The following STRA6 variants were observed in gnomAD, a reference collection of about 807,000 sequenced individuals.
STRA6 encodes the protein signaling receptor and transporter of retinol STRA6, also known as receptor for retinol uptake STRA6.
STRA6 carries 48 observed loss-of-function variants against 83.6 expected under a neutral mutation model. That is an observed-to-expected ratio of 0.57 (90% confidence interval 0.46 to 0.73). The LOEUF (loss-of-function observed/expected upper bound fraction) is 0.73, where lower values mean the gene tolerates loss of function less well. Ranked by LOEUF, STRA6 falls within the 30% of genes least tolerant of loss-of-function variation. The pLI is 0.00. For synonymous variants in STRA6, 353 were observed against 362.3 expected, an observed-to-expected ratio of 0.97 and a Z score of 0.29; for missense variants, 760 against 838.8, an observed-to-expected ratio of 0.91 and a Z score of 1.16.
chr15:74,203,205 A>G (rs1473884617), upstream of STRA6: 7 of 972,968 alleles, frequency 7.2e-6, no homozygotes, highest in African/African-American at 1.8e-5. Flanking sequence ...TCTCATTGGT[A>G]AACCCTTTTT....
chr15:74,189,909 G>A (rs1272389427), intron 11 of STRA6, among the ~76,000 whole-genome samples: 1 of 152,088 alleles, frequency 6.6e-6, no homozygotes, highest in Non-Finnish European at 1.5e-5. Context: ...TGATCCGCCC[G>A]CCTCAGCCTC....
At chr15:74,200,668 G>A (rs1369113676) in intron 2 of STRA6, among the ~76,000 whole-genome samples, 1 of 152,140 alleles carries the variant, frequency 6.6e-6, no homozygotes, top group East Asian at 1.9e-4. Context: ...CCCACTTTGA[G>A]GGCAGGGGGA....
At chr15:74,202,873 GAAA>G (rs2074146531), upstream of STRA6, 1 of 1,017,840 alleles carries the variant, frequency 9.8e-7, no homozygotes, top group Admixed American at 5.6e-5. Flanking sequence ...CTCGGTGATG[GAAA>G]TACACCATAA....
chr15:74,185,207 T>G, intron 12 of STRA6, 152 bp from the exon 13 acceptor site: 1 of 750,472 alleles, frequency 1.3e-6, no homozygotes, highest in Non-Finnish European at 2.3e-6. Flanking sequence ...CCCCCAGGTC[T>G]CAGATGCAGT....
At chr15:74,194,722 A>T in intron 7 of STRA6, 1 of 1,213,034 alleles carries the variant, frequency 8.2e-7, no homozygotes. Context: ...ATGTGCTTCA[A>T]ATATGTTGTT....
At chr15:74,184,083 A>T in intron 13 of STRA6, 94 bp from the exon 14 acceptor site, 1 of 1,560,970 alleles carries the variant, frequency 6.4e-7, no homozygotes, top group African/African-American at 1.3e-5. Context: ...CTCCCAATAG[A>T]ATTTCAACTC....
chr15:74,181,226 G>T (rs2072966288), intron 17 of STRA6, 69 bp downstream of exon 17: 9 of 1,590,288 alleles, frequency 5.7e-6, no homozygotes, highest in Non-Finnish European at 7.7e-6. Flanking sequence ...CGGCCCTGGG[G>T]CAGGGCAGAT....
At chr15:74,194,787 T>A in intron 7 of STRA6, 1 of 1,277,380 alleles carries the variant, frequency 7.8e-7, no homozygotes, top group Non-Finnish European at 9.8e-7. Flanking sequence ...ACACTCAGGT[T>A]GTCTGGCTCT....
chr15:74,184,899 G>T, intron 13 of STRA6, 81 bp downstream of exon 13: 1 of 1,435,364 alleles, frequency 7.0e-7, no homozygotes, highest in Non-Finnish European at 9.7e-7. Context: ...CTCCCTCCAG[G>T]CCCAGGGCCT....
intron 13 of STRA6, 47 bp from the exon 14 acceptor site, chr15:74,184,036 C>G (rs773513140): frequency 1.2e-6 from 2 of 1,606,790 alleles, no homozygotes; most frequent in African/African-American, 2.7e-5. Flanking sequence ...GCAACACACT[C>G]TTCCTAAATC....
rs1335630364 is a variant in STRA6, at chr15:74,193,918, T to C, written c.602A>G (p.Tyr201Cys). 1.9e-6 allele frequency: 3 copies of C among 1,613,212 alleles called. No individual in the cohort carries two copies. Among genetic ancestry groups the C allele is most frequent in the East Asian group, 2.2e-5 (1 of 44,872 alleles). ...GGAGGCCAGCAGGGAGTAGTACTTG[T>C]AGATCTGGACAGACAAACACCCAGA... The part of the protein sequence containing the change: ...RAECPQVPKI[Y>C]KYYSLLASLP... Residue 201 changes from tyrosine to cysteine, a missense_variant, in exon 8 of 19, where the codon TAC (tyrosine) becomes TGC (cysteine). By Grantham distance (194) the Tyr-to-Cys change is radical (BLOSUM62 -2). Coordinates refer to ENST00000395105, the MANE Select transcript of STRA6 (RefSeq NM_022369.4).
At chr15:74,201,145 C>T (rs777810383) in intron 2 of STRA6, among the ~76,000 whole-genome samples, 1 of 152,238 alleles carries the variant, frequency 6.6e-6, no homozygotes, top group African/African-American at 2.4e-5. Flanking sequence ...CTCCAAACAA[C>T]AGCTCCTTCC....
At chr15:74,209,344 G>A (rs2074332103), upstream of STRA6, 3 of 1,529,974 alleles carry the variant, frequency 2.0e-6, no homozygotes, top group South Asian at 3.6e-5. Flanking sequence ...AGAAGCTGAG[G>A]AACCCCCTAC....
rs974634352 is a variant in STRA6, at chr15:74,179,927, G to T, written c.*153C>A. 3 of 1,037,388 alleles carry T rather than the reference G, an allele frequency of 2.9e-6. No homozygotes were observed. In the African/African-American group the frequency reaches 4.7e-5, roughly 16 times the overall value. The allele number at this position is 1,037,388 out of a possible 1,614,324, so 64.3% of individuals were successfully genotyped here. On this transcript the variant is annotated 3_prime_UTR_variant, in exon 19 of 19. Coordinates refer to ENST00000395105, the MANE Select transcript of STRA6 (RefSeq NM_022369.4). The stretch of plus-strand genomic sequence containing the variant: ...GAGCAGAGCCCTCCTGAGGCTCCCA[G>T]TGCAGACAGACCTCCACCCAACCAC...
At chr15:74,194,731 T>C (rs975087050) in intron 7 of STRA6, 5 of 1,228,800 alleles carry the variant, frequency 4.1e-6, no homozygotes, top group Non-Finnish European at 5.1e-6. Context: ...AAATATGTTG[T>C]TGAATGAATG....
In STRA6 at chr15:74,190,844, T is replaced by C; in HGVS notation, c.923A>G (p.Tyr308Cys). The change falls in exon 11 of 19, where the codon TAC (tyrosine) becomes TGC (cysteine). Residue 308 changes from tyrosine to cysteine, a missense_variant. Tyr to Cys is a radical substitution (Grantham distance 194). Transcript: ENST00000395105. ...AGTACAGGGTGAGGGACATACCTGG[T>C]AAATGGCCGTCCCTGTCAGTGTAGC... ...LSATLTGTAI[Y>C]QVALLLLVGV... The C allele has an allele frequency of 3.1e-6, 5 of 1,613,992 alleles. No individual in the cohort carries two copies. The highest frequency in any genetic ancestry group is 4.2e-6 in the Non-Finnish European group (5 of 1,179,968).
chr15:74,207,941 C>T lies in STRA6; in HGVS notation c.-16+859G>A, dbSNP rs370913975. 42 of 1,455,832 alleles carry T rather than the reference C, an allele frequency of 2.9e-5. No individual in the cohort carries two copies. The African/African-American group carries it at 3.5e-4, about 12-fold the overall frequency. The allele number at this position is 1,455,832 out of a possible 1,614,324, so 90.2% of individuals were successfully genotyped here. On this transcript the variant is annotated intron_variant, in intron 1 of 18. Coordinates refer to the STRA6 transcript ENST00000323940. ...AGGAAGAGTATGGGTGACTCTCCAC[C>T]TCCTGTCTCTCTACCTCCTACCTCC...
At position 74,179,902 on chromosome 15, in the gene STRA6, G is replaced by A. The variant is rs746189629; in HGVS notation, c.*178C>T. 2.9e-4 allele frequency: 236 copies of A among 808,102 alleles called. No individual in the cohort carries two copies. Among genetic ancestry groups the A allele is most frequent in the Non-Finnish European group, 4.1e-4 (212 of 516,642 alleles). 50.1% of individuals were successfully genotyped at this position (808,102 alleles called of 1,614,324 possible). ...TGGCTCTCCCATAGCCAAGTGGGTG[G>A]AGCAGAGCCCTCCTGAGGCTCCCAG... is the stretch of plus-strand genomic sequence containing the variant. On this transcript the variant is annotated 3_prime_UTR_variant, in exon 19 of 19. Transcript: ENST00000395105.
chr15:74,183,621 C>T, intron 14 of STRA6: 1 of 1,390,088 alleles, frequency 7.2e-7, no homozygotes, highest in East Asian at 2.9e-5. Context: ...ACCCAGGGTT[C>T]ATCTCCATGT....
Sources: allele counts gnomAD v4.1 joint callset (sites outside exome capture counted in the v4.1 genomes callset), GRCh38; gene constraint gnomAD v4.1.1; transcripts MANE v1.5; gene names NCBI Gene and HGNC (gene_info 2026-07-23, HGNC 2026-07-21).